The following PTPRD variants were observed in gnomAD, a reference collection of about 807,000 sequenced individuals.
PTPRD encodes the protein receptor-type tyrosine-protein phosphatase delta.
Under a neutral mutation model 214.5 loss-of-function variants are expected in PTPRD, and 34 were observed. That is an observed-to-expected ratio of 0.16 (90% CI 0.12 to 0.21). PTPRD has a LOEUF of 0.21. Ranked by LOEUF, PTPRD falls within the 10% of genes least tolerant of loss-of-function variation. The probability of loss-of-function intolerance (pLI) is 1.00; values close to 1 mark genes in which losing one functional copy is unlikely to be tolerated. For synonymous variants in PTPRD, 1,128 were observed against 845.7 expected (o/e 1.33, Z -5.79); for missense variants, 2,545 against 2,398.7 (o/e 1.06, Z -1.27).
At chr9:10,518,014 G>A (rs770229389) in intron 2 of PTPRD, among the ~76,000 whole-genome samples, 1 of 152,074 alleles carries the variant, frequency 6.6e-6, no homozygotes, top group Non-Finnish European at 1.5e-5. Flanking sequence ...AATATATACA[G>A]GTATAAATTC....
At chr9:9,752,171 T>A (rs543485559) in intron 6 of PTPRD, among the ~76,000 whole-genome samples, 1 of 152,164 alleles carries the variant, frequency 6.6e-6, no homozygotes, top group Non-Finnish European at 1.5e-5. Context: ...GTTGGAACAC[T>A]TAGCTAAATT....
chr9:10,251,914 C>A (rs2092808295), intron 3 of PTPRD, among the ~76,000 whole-genome samples: 1 of 151,982 alleles, frequency 6.6e-6, no homozygotes, highest in Non-Finnish European at 1.5e-5. Context: ...TGATCCATTG[C>A]AGAGTAAGGT....
At chr9:10,071,471 C>T (rs911589938) in intron 3 of PTPRD, among the ~76,000 whole-genome samples, 3 of 151,920 alleles carry the variant, frequency 2.0e-5, no homozygotes, top group Admixed American at 1.3e-4. Context: ...TAGACCTACA[C>T]AAATATAGTC....
At chr9:9,707,725 G>A (rs886191544) in intron 7 of PTPRD, among the ~76,000 whole-genome samples, 3 of 151,792 alleles carry the variant, frequency 2.0e-5, no homozygotes, top group African/African-American at 7.3e-5. Context: ...CTTTCTTATA[G>A]TCACATCATG....
At chr9:8,556,878 C>T (rs551752424) in intron 14 of PTPRD, among the ~76,000 whole-genome samples, 12 of 152,178 alleles carry the variant, frequency 7.9e-5, no homozygotes, top group South Asian at 2.1e-4. Context: ...AGGTGAGTAA[C>T]CTAATGAATT....
intron 12 of PTPRD, among the ~76,000 whole-genome samples, chr9:8,656,197 G>A (rs2096906351): frequency 6.6e-6 from 1 of 152,166 alleles, no homozygotes; most frequent in South Asian, 2.1e-4. Context: ...GAATCAGAAT[G>A]GCACAGTAAG....
rs532092963 is a variant in PTPRD at position 8,908,713 on chromosome 9, A to T, written c.-104+109984T>A. On this transcript the variant is annotated intron_variant, in intron 11 of 45. Coordinates refer to ENST00000381196, the MANE Select transcript of PTPRD (RefSeq NM_002839.4). ...AAAAAGAAGAACAAATTAAACCCCA[A>T]AACAAACATAAGAAAGTAAATTGTA... Among the ~76,000 whole-genome samples the T allele has an allele frequency of 2.0e-5, 3 of 151,838 alleles. No individual in the cohort carries two copies. In the East Asian group the frequency reaches 5.8e-4, roughly 29 times the overall value.
intron 3 of PTPRD, among the ~76,000 whole-genome samples, chr9:10,127,455 G>A (rs543990336): frequency 6.6e-6 from 1 of 152,226 alleles, no homozygotes; most frequent in East Asian, 1.9e-4. Context: ...TAGAGAGCAA[G>A]ACAGACATAT....
chr9:9,466,651 T>C (rs2146227167), intron 8 of PTPRD, among the ~76,000 whole-genome samples: 1 of 152,318 alleles, frequency 6.6e-6, no homozygotes, highest in South Asian at 2.1e-4. Flanking sequence ...AGGGATATTC[T>C]GTATGGATAG....
chr9:8,557,289 C>T (rs1331128229), intron 14 of PTPRD, among the ~76,000 whole-genome samples: 2 of 151,916 alleles, frequency 1.3e-5, no homozygotes, highest in Non-Finnish European at 2.9e-5. Context: ...AACAGCTTGC[C>T]TAAGACTAGC....
chr9:10,574,563 G>C (rs2068550680), intron 2 of PTPRD, among the ~76,000 whole-genome samples: 1 of 151,914 alleles, frequency 6.6e-6, no homozygotes, highest in African/African-American at 2.4e-5. Context: ...CTAAGCTCTG[G>C]CTAAGATAGG....
intron 14 of PTPRD, among the ~76,000 whole-genome samples, chr9:8,580,515 T>A (rs1330858839): frequency 6.6e-6 from 1 of 152,210 alleles, no homozygotes; most frequent in Non-Finnish European, 1.5e-5. Flanking sequence ...TGAAAGTGAA[T>A]ACAGCACCTG....
intron 11 of PTPRD, among the ~76,000 whole-genome samples, chr9:8,873,960 G>C (rs192667204): frequency 6.6e-6 from 1 of 152,012 alleles, no homozygotes. Context: ...AACATAATAC[G>C]GAGTCTCTAT....
At chr9:9,677,815 A>T (rs1274849526) in intron 7 of PTPRD, among the ~76,000 whole-genome samples, 7 of 152,118 alleles carry the variant, frequency 4.6e-5, no homozygotes, top group Middle Eastern at 3.2e-3. Flanking sequence ...TATATCTAGA[A>T]AACCCTATCA....
chr9:9,220,728 A>C (rs1569564245), intron 9 of PTPRD, among the ~76,000 whole-genome samples: 1 of 152,078 alleles, frequency 6.6e-6, no homozygotes, highest in Non-Finnish European at 1.5e-5. Flanking sequence ...ATGTAATTTG[A>C]CTATATGTAG....
At chr9:9,087,232 G>C (rs1206244920) in intron 10 of PTPRD, among the ~76,000 whole-genome samples, 8 of 152,008 alleles carry the variant, frequency 5.3e-5, no homozygotes, top group African/African-American at 7.3e-5. Context: ...GATTTCCCCA[G>C]TTACCAAAGC....
At chr9:8,785,480 G>C (rs1015126146) in intron 11 of PTPRD, among the ~76,000 whole-genome samples, 7 of 152,160 alleles carry the variant, frequency 4.6e-5, no homozygotes, top group Non-Finnish European at 8.8e-5. Flanking sequence ...ATGACCTATA[G>C]TGTGTATTCA....
intron 9 of PTPRD, among the ~76,000 whole-genome samples, chr9:9,263,565 A>G (rs973448622): frequency 6.6e-6 from 1 of 151,700 alleles, no homozygotes; most frequent in Non-Finnish European, 1.5e-5. Flanking sequence ...GGTACTTAGT[A>G]TGGTGCCTGA....
chr9:8,668,268 TATC>T (rs757525466), intron 12 of PTPRD, among the ~76,000 whole-genome samples: 8 of 152,232 alleles, frequency 5.3e-5, no homozygotes, highest in Non-Finnish European at 8.8e-5. Flanking sequence ...ATCTATTCTT[TATC>T]ATCATAATTA....
Sources: gnomAD v4.1 joint callset for allele counts (sites outside exome capture counted in the v4.1 genomes callset) on GRCh38, gnomAD v4.1.1 for gene constraint, MANE v1.5 for transcripts, NCBI Gene and HGNC (gene_info 2026-07-23, HGNC 2026-07-21) for gene names.